MYO6: variants seen among roughly 807,000 people sequenced by gnomAD.
MYO6 encodes the protein myosin VI.
Under a neutral mutation model 178.7 loss-of-function variants are expected in MYO6, and 74 were observed. That is an observed-to-expected ratio of 0.41 (90% CI 0.34 to 0.50). The LOEUF (loss-of-function observed/expected upper bound fraction) is 0.50, where lower values mean the gene tolerates loss of function less well. Among genes scored for constraint, MYO6 ranks in the 20% least tolerant of loss-of-function variants. The pLI, the probability that MYO6 is intolerant of heterozygous loss-of-function variation, is 0.09. For missense variants in MYO6, 1,330 were observed against 1,547.4 expected (o/e 0.86, Z 2.36); for synonymous variants, 477 against 504.6 (o/e 0.95, Z 0.73).
chr6:75,764,046 A>G (rs559210662), intron 1 of MYO6, among the ~76,000 whole-genome samples: 5 of 151,852 alleles, frequency 3.3e-5, no homozygotes, highest in African/African-American at 9.7e-5. Context: ...CTCTTCATCT[A>G]TTTCTTTTTT....
chr6:75,825,110 T>C (rs1772322312), intron 3 of MYO6, among the ~76,000 whole-genome samples: 1 of 152,198 alleles, frequency 6.6e-6, no homozygotes, highest in African/African-American at 2.4e-5. Context: ...ATTAGTATGT[T>C]AATTTTGCTG....
intron 25 of MYO6, 133 bp from the exon 26 acceptor site, chr6:75,889,924 A>T: frequency 1.2e-5 from 9 of 738,416 alleles, no homozygotes; most frequent in Non-Finnish European, 8.9e-6. Flanking sequence ...TTTAAATTGT[A>T]AAAAACAATA....
intron 1 of MYO6, among the ~76,000 whole-genome samples, chr6:75,788,496 G>C (rs67182025): frequency 0.016 from 2,455 of 152,188 alleles, 78 homozygotes; most frequent in East Asian, 0.15. Flanking sequence ...CACTCTTCCA[G>C]CAGATCCTGA....
chr6:75,761,384 C>T (rs1777931091), intron 1 of MYO6, among the ~76,000 whole-genome samples: 1 of 152,092 alleles, frequency 6.6e-6, no homozygotes, highest in Admixed American at 6.6e-5. Flanking sequence ...GATGTTTTAG[C>T]AACCAGGAAA....
chr6:75,843,173 C>T (rs1391588607), intron 9 of MYO6, among the ~76,000 whole-genome samples: 1 of 152,060 alleles, frequency 6.6e-6, no homozygotes, highest in Non-Finnish European at 1.5e-5. Context: ...TAGTTTAGCC[C>T]TCTGGTTATA....
At chr6:75,895,392 T>G in intron 29 of MYO6, 132 bp downstream of exon 29, 1 of 755,546 alleles carries the variant, frequency 1.3e-6, no homozygotes, top group Non-Finnish European at 2.2e-6. Flanking sequence ...CATATTTTTC[T>G]TGTCTAGGAA....
chr6:75,784,360 A>T (rs1378570503), intron 1 of MYO6, among the ~76,000 whole-genome samples: 5 of 152,124 alleles, frequency 3.3e-5, no homozygotes, highest in Non-Finnish European at 7.3e-5. Context: ...TTGAAAAAAA[A>T]AATAGGATTG....
chr6:75,763,115 C>T (rs924590251), intron 1 of MYO6, among the ~76,000 whole-genome samples: 2 of 151,834 alleles, frequency 1.3e-5, no homozygotes, highest in Non-Finnish European at 1.5e-5. Context: ...CAACCTCCAC[C>T]GTCCGAGATC....
intron 1 of MYO6, among the ~76,000 whole-genome samples, chr6:75,762,794 G>A (rs1778066274): frequency 6.6e-6 from 1 of 152,168 alleles, no homozygotes; most frequent in Non-Finnish European, 1.5e-5. Flanking sequence ...ACCTGTTTTA[G>A]TTATATACCT....
At position 75,915,076 on chromosome 6, in the gene MYO6, C is replaced by T; in HGVS notation, c.*64C>T. On this transcript the variant is annotated 3_prime_UTR_variant, in exon 35 of 35. Transcript: ENST00000369977. ...TGGTACTTAGGTAGGGTGTGTGCCC[C>T]CAGATTTAACCATTCCATAATCATG... 1 of 1,378,406 alleles carries T rather than the reference C, an allele frequency of 7.3e-7. No individual in the cohort carries two copies. The highest frequency in any genetic ancestry group is 1.0e-6 in the Non-Finnish European group (1 of 988,510). The allele number at this position is 1,378,406 out of a possible 1,614,324, so 85.4% of individuals were successfully genotyped here.
At chr6:75,839,716 G>C (rs1774024738) in intron 7 of MYO6, among the ~76,000 whole-genome samples, 1 of 151,984 alleles carries the variant, frequency 6.6e-6, no homozygotes, top group East Asian at 1.9e-4. Context: ...TATTATATTT[G>C]TTCACTAGGA....
intron 3 of MYO6, among the ~76,000 whole-genome samples, chr6:75,826,374 A>G (rs895525701): frequency 6.6e-6 from 1 of 152,216 alleles, no homozygotes; most frequent in African/African-American, 2.4e-5. Flanking sequence ...CTGAAAAGGT[A>G]GGTGGTGAGT....
At chr6:75,770,803 A>G (rs970724457) in intron 1 of MYO6, among the ~76,000 whole-genome samples, 1 of 151,994 alleles carries the variant, frequency 6.6e-6, no homozygotes, top group African/African-American at 2.4e-5. Flanking sequence ...GCATTTTCCA[A>G]TGACCATTGT....
At chr6:75,761,577 A>T (rs1196765669) in intron 1 of MYO6, among the ~76,000 whole-genome samples, 1 of 149,448 alleles carries the variant, frequency 6.7e-6, no homozygotes, top group Non-Finnish European at 1.5e-5. Flanking sequence ...AGTATGTTAG[A>T]AAATGGGCTG....
chr6:75,895,978 CTTTGGTGCTAAT>C (rs1437713928), intron 29 of MYO6, among the ~76,000 whole-genome samples: 1 of 152,074 alleles, frequency 6.6e-6, no homozygotes, highest in South Asian at 2.1e-4. Flanking sequence ...GTAGTGCTAA[CTTTGGTGCTAAT>C]GTATCTTTTT....
chr6:75,865,010 G>A lies in MYO6; in HGVS notation c.1675-1516G>A, dbSNP rs12662718. 0.013 allele frequency among the ~76,000 whole-genome samples: 1,990 copies of A among 152,222 alleles called. 73 individuals carry two copies. The East Asian group carries it at 0.15, about 11-fold the overall frequency. On this transcript the variant is annotated intron_variant, in intron 16 of 34. Transcript: ENST00000369977. The stretch of plus-strand genomic sequence containing the variant: ...AGAGCCGGCACTCTGACTTGTCCTG[G>A]TGTATTGCCTCCCACAGGGAACAGC...
At chr6:75,830,114 G>A (rs142354943) in intron 4 of MYO6, among the ~76,000 whole-genome samples, 1 of 152,308 alleles carries the variant, frequency 6.6e-6, no homozygotes, top group East Asian at 1.9e-4. Context: ...CCCTGAGGAA[G>A]CACATGGAAG....
intron 11 of MYO6, among the ~76,000 whole-genome samples, chr6:75,851,676 A>G (rs1289858588): frequency 6.6e-6 from 1 of 151,418 alleles, no homozygotes. Context: ...ACACAAACGC[A>G]CACACACACA....
In MYO6 at chr6:75,828,594, A is replaced by G; in HGVS notation, c.242A>G (p.Tyr81Cys). 1 of 1,579,264 alleles carries G rather than the reference A, an allele frequency of 6.3e-7. No individual in the cohort carries two copies. The highest frequency in any genetic ancestry group is 8.7e-7 in the Non-Finnish European group (1 of 1,148,720). ...CTGCTCCATAATATCAAAGTTCGAT[A>G]TAGTAAAGACAGAATTTATGTAAGT... ...ATLLHNIKVR[Y>C]SKDRIYTYVA... Residue 81 changes from tyrosine (Y) to cysteine (C), a missense_variant, in exon 4 of 35, where the codon TAT becomes TGT. Physicochemically the swap from Tyr to Cys is radical, Grantham distance 194 (BLOSUM62 -2). Around this residue, in one of 3 missense-constraint regions of MYO6, gnomAD observed 116 missense variants for 104.6 expected, o/e 1.11. Coordinates refer to ENST00000369977, the MANE Select transcript of MYO6 (RefSeq NM_004999.4).
Sources: gnomAD v4.1 joint callset for allele counts (sites outside exome capture counted in the v4.1 genomes callset) on GRCh38, gnomAD v4.1.1 for gene constraint, gnomAD v4.1.1 regional missense constraint, MANE v1.5 for transcripts, NCBI Gene and HGNC (gene_info 2026-07-23, HGNC 2026-07-21) for gene names.